Variants in SMAP1 observed in about 807,000 individuals in gnomAD.
The protein encoded by SMAP1 is stromal membrane-associated protein 1.
In SMAP1, 24 loss-of-function variants were observed where a neutral mutation model predicts 58.5. The ratio of observed to expected loss-of-function variants is 0.41; its 90% CI spans 0.30 to 0.58. SMAP1 has a LOEUF of 0.58. SMAP1 is among the 20% of genes least tolerant of loss of function. The pLI is 0.29. For missense variants in SMAP1, 563 were observed against 566.3 expected, an observed-to-expected ratio of 0.99 and a Z score of 0.06; for synonymous variants, 216 against 196.6, an observed-to-expected ratio of 1.10 and a Z score of -0.82.
chr6:70,736,397 C>T (rs1765619393), intron 2 of SMAP1, among the ~76,000 whole-genome samples: 2 of 151,884 alleles, frequency 1.3e-5, no homozygotes, highest in Admixed American at 6.6e-5. Flanking sequence ...CTTCCCCTCC[C>T]CCCACCCAAG....
rs777910137 is a variant in SMAP1, at chr6:70,667,979, CCG to C, written c.-43_-42del. 10 of 1,510,646 alleles carry C rather than the reference CCG, an allele frequency of 6.6e-6. No homozygotes were observed. The Admixed American group carries it at 2.0e-4, about 30-fold the overall frequency. The allele number at this position is 1,510,646 out of a possible 1,614,324, so 93.6% of individuals were successfully genotyped here. A position where few individuals can be genotyped will look rare whatever the true frequency, so the allele number is the denominator to read the frequency against. On this transcript the variant is annotated 5_prime_UTR_variant, in exon 1 of 11. Transcript: ENST00000370455. ...CACTCTGCCCGGCTCCAGCCAGCGT[CCG>C]CCGCCGCCGTAGCTGCCCCAGGCTC...
intron 6 of SMAP1, 118 bp from the exon 7 acceptor site, chr6:70,836,823 T>G (rs1397152426): frequency 1.3e-6 from 1 of 779,612 alleles, no homozygotes; most frequent in African/African-American, 1.8e-5. Flanking sequence ...GGTTTTATTA[T>G]ACTATGTTTC....
intron 3 of SMAP1, among the ~76,000 whole-genome samples, chr6:70,767,830 G>A (rs1234942375): frequency 5.8e-5 from 8 of 138,454 alleles, no homozygotes; most frequent in Admixed American, 3.0e-4. Flanking sequence ...TCTTGTGCCC[G>A]TTTTCAAAGG....
intron 1 of SMAP1, among the ~76,000 whole-genome samples, chr6:70,723,454 C>G (rs1768620629): frequency 6.6e-6 from 1 of 152,166 alleles, no homozygotes; most frequent in South Asian, 2.1e-4. Context: ...ACTCTTTCCC[C>G]AGATAGCTGC....
chr6:70,861,803 G>T lies in SMAP1; in HGVS notation c.*1469G>T, dbSNP rs370355920. 231 of 1,613,898 alleles carry T rather than the reference G, an allele frequency of 1.4e-4. No individual in the cohort carries two copies. Among genetic ancestry groups the T allele is most frequent in the Non-Finnish European group, 6.2e-5 (73 of 1,179,958 alleles). On this transcript the variant is annotated 3_prime_UTR_variant, in exon 11 of 11. Coordinates refer to ENST00000370455, the MANE Select transcript of SMAP1 (RefSeq NM_001044305.3). ...CGCACTCTTCATGGTGACACTCGAG[G>T]TCGGGCAGCACAAGTGTAATGAATA... is the stretch of plus-strand genomic sequence containing the variant.
chr6:70,753,510 C>A (rs1766363755), intron 2 of SMAP1, among the ~76,000 whole-genome samples: 1 of 152,080 alleles, frequency 6.6e-6, no homozygotes, highest in South Asian at 2.1e-4. Context: ...AAAGATGCAG[C>A]ATCATTTGAA....
At chr6:70,782,560 G>A (rs1767806522) in intron 4 of SMAP1, among the ~76,000 whole-genome samples, 1 of 152,162 alleles carries the variant, frequency 6.6e-6, no homozygotes, top group Non-Finnish European at 1.5e-5. Flanking sequence ...CATGCTGGAT[G>A]CTTCCTGCCC....
chr6:70,739,485 C>T (rs921513756), intron 2 of SMAP1, among the ~76,000 whole-genome samples: 5 of 152,046 alleles, frequency 3.3e-5, no homozygotes, highest in East Asian at 1.9e-4. Flanking sequence ...TTCCTTTGCT[C>T]GGTGTTTGAT....
intron 1 of SMAP1, among the ~76,000 whole-genome samples, chr6:70,672,104 G>C (rs1170120790): frequency 1.3e-5 from 2 of 152,192 alleles, no homozygotes. Context: ...GTTAGATATT[G>C]TATTAGGTAA....
intron 6 of SMAP1, among the ~76,000 whole-genome samples, chr6:70,801,229 T>A (rs991655469): frequency 1.2e-4 from 18 of 152,364 alleles, no homozygotes; most frequent in African/African-American, 4.3e-4. Context: ...CGTGAGATGG[T>A]ATCTCATCGT....
chr6:70,790,450 CAAGTA>C (rs1369980710), intron 4 of SMAP1, among the ~76,000 whole-genome samples: 1 of 152,156 alleles, frequency 6.6e-6, no homozygotes, highest in Non-Finnish European at 1.5e-5. Context: ...AGATTTCTAG[CAAGTA>C]AATATCCAAT....
intron 1 of SMAP1, among the ~76,000 whole-genome samples, chr6:70,723,615 T>C (rs1266353678): frequency 6.6e-6 from 1 of 152,184 alleles, no homozygotes; most frequent in East Asian, 1.9e-4. Context: ...TACTTTCACA[T>C]GTTTGCTTAT....
chr6:70,804,675 C>G (rs1165247681), intron 6 of SMAP1, among the ~76,000 whole-genome samples: 2 of 152,194 alleles, frequency 1.3e-5, no homozygotes, highest in Middle Eastern at 3.4e-3. Flanking sequence ...TTCAGGAGCT[C>G]TTGTAAGGCA....
intron 2 of SMAP1, among the ~76,000 whole-genome samples, chr6:70,746,863 C>A (rs1274146286): frequency 6.6e-6 from 1 of 151,982 alleles, no homozygotes; most frequent in African/African-American, 2.4e-5. Flanking sequence ...TGATTTAAGT[C>A]TAAATTCTAA....
At chr6:70,815,914 C>T (rs1769609631) in intron 6 of SMAP1, among the ~76,000 whole-genome samples, 1 of 151,946 alleles carries the variant, frequency 6.6e-6, no homozygotes, top group African/African-American at 2.4e-5. Flanking sequence ...GTAAGGCAGG[C>T]TAAAGGGTTG....
chr6:70,850,329 C>T (rs558297485), intron 7 of SMAP1, among the ~76,000 whole-genome samples: 125 of 152,078 alleles, frequency 8.2e-4, no homozygotes, highest in African/African-American at 3.0e-3. Flanking sequence ...GGGATTTTCT[C>T]ATGTTAAATT....
intron 4 of SMAP1, among the ~76,000 whole-genome samples, chr6:70,788,881 G>A (rs768226393): frequency 6.6e-6 from 1 of 152,108 alleles, no homozygotes; most frequent in African/African-American, 2.4e-5. Context: ...AGAATGACAT[G>A]GTATGGAGAA....
intron 1 of SMAP1, chr6:70,693,972 T>C (rs1254437727): frequency 6.3e-6 from 1 of 158,830 alleles, no homozygotes; most frequent in Non-Finnish European, 1.4e-5. Flanking sequence ...AACAAATCTT[T>C]TGTTTATTCA....
intron 6 of SMAP1, among the ~76,000 whole-genome samples, chr6:70,810,488 T>C (rs1396818324): frequency 2.0e-5 from 3 of 152,250 alleles, no homozygotes; most frequent in Non-Finnish European, 4.4e-5. Flanking sequence ...CATGGAAATA[T>C]ATATATCCAC....
Sources: allele counts gnomAD v4.1 joint callset (sites outside exome capture counted in the v4.1 genomes callset), GRCh38; gene constraint gnomAD v4.1.1; transcripts MANE v1.5; gene names NCBI Gene and HGNC (gene_info 2026-07-23, HGNC 2026-07-21).